AKT3: variants seen among roughly 807,000 people sequenced by gnomAD.
AKT3 encodes RAC-gamma serine/threonine-protein kinase.
AKT3 carries 15 observed loss-of-function variants against 65.3 expected under a neutral mutation model. The ratio of observed to expected loss-of-function variants is 0.23; its 90% CI spans 0.15 to 0.35. The LOEUF (loss-of-function observed/expected upper bound fraction) is 0.35. Among genes scored for constraint, AKT3 ranks in the 10% least tolerant of loss-of-function variants. The pLI is 1.00. For missense variants in AKT3, 243 were observed against 576.5 expected, an observed-to-expected ratio of 0.42 and a Z score of 5.92; for synonymous variants, 206 against 183.8, an observed-to-expected ratio of 1.12 and a Z score of -0.98.
intron 11 of AKT3, chr1:243,546,888 T>A (rs7517340): frequency 6.6e-6 from 1 of 152,004 alleles, no homozygotes; most frequent in East Asian, 1.9e-4. Context: ...AACATGAATA[T>A]TGGTTGACAT....
chr1:243,743,711 A>C (rs1263196979), intron 2 of AKT3, among the ~76,000 whole-genome samples: 2 of 152,196 alleles, frequency 1.3e-5, no homozygotes, highest in African/African-American at 4.8e-5. Flanking sequence ...TATCAGGGGA[A>C]TACAAATTAA....
downstream of AKT3, among the ~76,000 whole-genome samples, chr1:243,497,340 G>T (rs12134747): frequency 2.8e-5 from 4 of 141,236 alleles, no homozygotes; most frequent in Admixed American, 7.1e-5. Context: ...GCACGGGTGG[G>T]GGGGGGGGCG....
chr1:243,587,612 AAAATACATACAT>A (rs1191084320), intron 8 of AKT3, among the ~76,000 whole-genome samples: 1 of 152,174 alleles, frequency 6.6e-6, no homozygotes, highest in African/African-American at 2.4e-5. Context: ...CTCCGTCTCA[AAAATACATACAT>A]AAATACATAC....
chr1:243,533,405 A>G (rs1405940377), intron 12 of AKT3, among the ~76,000 whole-genome samples: 5 of 152,238 alleles, frequency 3.3e-5, no homozygotes, highest in Non-Finnish European at 5.9e-5. Context: ...CTATTAGCCA[A>G]TTCTATCACT....
chr1:243,519,804 A>C (rs1277594657), intron 12 of AKT3, among the ~76,000 whole-genome samples: 3 of 152,202 alleles, frequency 2.0e-5, no homozygotes, highest in Non-Finnish European at 4.4e-5. Context: ...AAAGAGTATT[A>C]GTTTTTCTTC....
chr1:243,672,932 G>A (rs1425491581), intron 3 of AKT3, among the ~76,000 whole-genome samples: 1 of 152,080 alleles, frequency 6.6e-6, no homozygotes, highest in African/African-American at 2.4e-5. Flanking sequence ...TAAACGTACT[G>A]TGGTCATTTT....
At chr1:243,619,563 T>A (rs1678588891) in intron 6 of AKT3, among the ~76,000 whole-genome samples, 1 of 98,670 alleles carries the variant, frequency 1.0e-5, no homozygotes, top group South Asian at 3.0e-4. Context: ...GCAATCCCGT[T>A]TTTTAGCTCC....
At chr1:243,685,978 CA>C (rs769913770) in intron 3 of AKT3, among the ~76,000 whole-genome samples, 5 of 152,072 alleles carry the variant, frequency 3.3e-5, no homozygotes, top group Non-Finnish European at 7.3e-5. Context: ...AACAGAGAGC[CA>C]AATCATGAGT....
chr1:243,731,064 G>GA (rs531693336), intron 2 of AKT3, among the ~76,000 whole-genome samples: 7 of 152,208 alleles, frequency 4.6e-5, no homozygotes, highest in Non-Finnish European at 8.8e-5. Context: ...GGGAGTGAGT[G>GA]AAACTCAAGC....
chr1:243,762,307 A>C (rs1689541335), intron 2 of AKT3, among the ~76,000 whole-genome samples: 1 of 152,118 alleles, frequency 6.6e-6, no homozygotes, highest in Admixed American at 6.5e-5. Context: ...TAATATGTTT[A>C]TTAAATACCC....
chr1:243,845,781 T>C (rs557502461), intron 1 of AKT3, among the ~76,000 whole-genome samples: 1 of 152,050 alleles, frequency 6.6e-6, no homozygotes, highest in Admixed American at 6.5e-5. Flanking sequence ...TTGACAGAAT[T>C]TACCCCCAGA....
chr1:243,542,157 TGACA>T (rs1319488638), intron 12 of AKT3, among the ~76,000 whole-genome samples: 3 of 152,218 alleles, frequency 2.0e-5, no homozygotes, highest in Non-Finnish European at 2.9e-5. Context: ...CTTAGCAGAC[TGACA>T]GAGTGTAAAA....
At chr1:243,731,367 A>G (rs1481388827) in intron 2 of AKT3, among the ~76,000 whole-genome samples, 1 of 152,196 alleles carries the variant, frequency 6.6e-6, no homozygotes, top group African/African-American at 2.4e-5. Flanking sequence ...ACTTGCTTTG[A>G]TATACAGCAA....
chr1:243,697,748 G>A (rs1472493059), intron 2 of AKT3, among the ~76,000 whole-genome samples: 6 of 151,948 alleles, frequency 3.9e-5, no homozygotes, highest in African/African-American at 7.2e-5. Context: ...AGCTCATAAC[G>A]AGAGATCTGT....
chr1:243,773,934 G>A (rs1219436161), intron 2 of AKT3, among the ~76,000 whole-genome samples: 2 of 152,088 alleles, frequency 1.3e-5, no homozygotes, highest in African/African-American at 4.8e-5. Context: ...ACTCTAGTGT[G>A]TTTATTCATC....
chr1:243,601,125 G>A (rs915127475), intron 8 of AKT3, among the ~76,000 whole-genome samples: 4 of 151,988 alleles, frequency 2.6e-5, no homozygotes, highest in South Asian at 2.1e-4. Flanking sequence ...TACAACAAAA[G>A]TGTATTTTGG....
rs774092854 is a variant in AKT3 at position 243,489,109 on chromosome 1, T to C, written c.*7-659A>G. ...CAGCTTCTCCTGGAGAGGCAGAGCC[T>C]GTCGGAAGAGGTGGACCGGCTGCGG... On this transcript the variant is annotated intron_variant, in intron 13 of 13. Transcript: ENST00000336199. The C allele has an allele frequency of 1.9e-6, 3 of 1,613,096 alleles. No homozygotes were observed. In the East Asian group the frequency reaches 6.7e-5, roughly 36 times the overall value.
intron 3 of AKT3, among the ~76,000 whole-genome samples, chr1:243,666,203 C>T (rs1336383811): frequency 2.6e-5 from 4 of 152,040 alleles, no homozygotes; most frequent in African/African-American, 9.7e-5. Context: ...GGGGTTTCAC[C>T]ATGTTGGCCA....
At chr1:243,739,268 AT>A (rs1688009848) in intron 2 of AKT3, among the ~76,000 whole-genome samples, 1 of 152,206 alleles carries the variant, frequency 6.6e-6, no homozygotes, top group Admixed American at 6.5e-5. Context: ...AAATATGATC[AT>A]TTCAACATAT....
Sources: gnomAD v4.1 joint callset for allele counts (sites outside exome capture counted in the v4.1 genomes callset) on GRCh38, gnomAD v4.1.1 for gene constraint, MANE v1.5 for transcripts, NCBI Gene and HGNC (gene_info 2026-07-23, HGNC 2026-07-21) for gene names.